KLHL8: variants seen among roughly 807,000 people sequenced by gnomAD.
The protein encoded by KLHL8 is kelch like family member 8.
Under a neutral mutation model 63.5 loss-of-function variants are expected in KLHL8, and 38 were observed. The observed-to-expected ratio is 0.60, with a 90% CI of 0.46 to 0.78. KLHL8 has a LOEUF of 0.78. Ranked by LOEUF, KLHL8 falls within the 30% of genes least tolerant of loss-of-function variation. KLHL8 has a pLI of 0.00. For missense variants in KLHL8, 566 were observed against 752.4 expected (o/e 0.75, Z 2.90); for synonymous variants, 224 against 254.3 (o/e 0.88, Z 1.13).
chr4:87,200,305 C>T (rs1731869915), intron 1 of KLHL8, among the ~76,000 whole-genome samples: 1 of 152,130 alleles, frequency 6.6e-6, no homozygotes, highest in East Asian at 1.9e-4. Context: ...TCCTTAAGTC[C>T]CTTATATAAA....
chr4:87,188,947 G>T (rs1391418401), intron 2 of KLHL8, among the ~76,000 whole-genome samples: 1 of 152,168 alleles, frequency 6.6e-6, no homozygotes, highest in Non-Finnish European at 1.5e-5. Context: ...ACTAATTCAA[G>T]ATAGTATTAC....
Position 87,170,555 on chromosome 4 carries a change from G to C in KLHL8, c.1269C>G (p.Asp423Glu). Reference sequence around the variant, plus strand: ...TCTCCACATCATTGAAGCAAGTATTGTCATCTAACCCTCCAATTGCATAAA... The same window carrying C: ...TCTCCACATCATTGAAGCAAGTATTCTCATCTAACCCTCCAATTGCATAAA... ...GPIYAIGGLD[D>E]NTCFNDVERY... Residue 423 changes from aspartate to glutamate, a missense_variant, in exon 7 of 10, where the codon GAC becomes GAG. Coordinates refer to ENST00000273963, the MANE Select transcript of KLHL8 (RefSeq NM_020803.5). 6.2e-7 allele frequency: 1 copy of C among 1,613,902 alleles called. No individual in the cohort carries two copies. The highest frequency in any genetic ancestry group is 1.1e-5 in the South Asian group (1 of 91,076).
Position 87,165,019 on chromosome 4 carries a change from G to C in KLHL8, c.1538-940C>G, listed in dbSNP as rs189087590. On this transcript the variant is annotated intron_variant, in intron 8 of 9. Transcript: ENST00000273963. ...AAAAAATTAGCTGGGCATGGTGGCG[G>C]GCGCCTGTAGTCCCAGCTACTCGGG... 7.0e-3 allele frequency among the ~76,000 whole-genome samples: 1,065 copies of C among 151,716 alleles called. 37 individuals are homozygous for C. The highest frequency in any genetic ancestry group is 0.065 in the Admixed American group (990 of 15,242).
chr4:87,168,962 TAA>T (rs35255534), intron 8 of KLHL8, among the ~76,000 whole-genome samples: 66 of 122,880 alleles, frequency 5.4e-4, no homozygotes, highest in Middle Eastern at 4.3e-3. Context: ...ATTGTTAAAG[TAA>T]AAAAAAAAAA....
intron 1 of KLHL8, among the ~76,000 whole-genome samples, chr4:87,214,395 TAAC>T (rs1407413204): frequency 8.2e-6 from 1 of 121,826 alleles, no homozygotes; most frequent in African/African-American, 2.9e-5. Context: ...TTAAATGAGT[TAAC>T]AAACTGGCAC....
intron 1 of KLHL8, among the ~76,000 whole-genome samples, chr4:87,199,667 A>C (rs986503834): frequency 3.9e-4 from 6 of 15,358 alleles, no homozygotes; most frequent in Non-Finnish European, 2.2e-3. Flanking sequence ...AAAAAAAACA[A>C]AAAAAAAAAA....
rs554100940 is a variant in KLHL8, at chr4:87,207,815, A to T, written c.-151-12125T>A. On this transcript the variant is annotated intron_variant, in intron 1 of 9. Transcript: ENST00000273963. ...ACCACTGCCAAGGTGTCGGTCATTAACCTGACCTGCCATCTGGAAAAACCT... is the reference window on the plus strand; with the variant it reads ...ACCACTGCCAAGGTGTCGGTCATTATCCTGACCTGCCATCTGGAAAAACCT... The T allele has an allele frequency of 2.3e-5, 25 of 1,106,276 alleles. No homozygotes were observed. The African/African-American group carries it at 3.4e-4, about 15-fold the overall frequency. 68.5% of individuals were successfully genotyped at this position (1,106,276 alleles called of 1,614,324 possible). A position where few individuals can be genotyped will look rare whatever the true frequency, so the allele number is the denominator to read the frequency against.
At chr4:87,184,863 C>A (rs1731191297) in intron 3 of KLHL8, among the ~76,000 whole-genome samples, 1 of 152,050 alleles carries the variant, frequency 6.6e-6, no homozygotes, top group South Asian at 2.1e-4. Flanking sequence ...AATAACTATA[C>A]TTTTATTAGC....
At chr4:87,178,696 T>TA (rs1399880593) in intron 4 of KLHL8, 76 bp from the exon 5 acceptor site, 1 of 1,407,596 alleles carries the variant, frequency 7.1e-7, no homozygotes, top group Admixed American at 3.0e-5. Flanking sequence ...AAACTTTGGA[T>TA]AAAAGCAAAA....
chr4:87,185,667 C>T lies in KLHL8; in HGVS notation c.349G>A (p.Ala117Thr), dbSNP rs759520579. 8 of 1,614,056 alleles carry T rather than the reference C, an allele frequency of 5.0e-6. No individual in the cohort carries two copies. The South Asian group carries it at 8.8e-5, about 18-fold the overall frequency. The change falls in exon 3 of 10, where the codon GCA becomes ACA. Residue 117 changes from alanine to threonine, a missense_variant. Coordinates refer to ENST00000273963, the MANE Select transcript of KLHL8 (RefSeq NM_020803.5). Reference sequence around the variant, plus strand: ...ACAAACTTTACCAAGTCTTCTATTGCATCACCATCAAAATCTCTAATCTCA... The same window carrying T: ...ACAAACTTTACCAAGTCTTCTATTGTATCACCATCAAAATCTCTAATCTCA... ...LIEIRDFDGDAIEDLVKFVYS... is the reference protein window; with the variant it reads ...LIEIRDFDGDTIEDLVKFVYS...
At chr4:87,224,416 T>C (rs1732937838), upstream of KLHL8, among the ~76,000 whole-genome samples, 1 of 152,298 alleles carries the variant, frequency 6.6e-6, no homozygotes, top group South Asian at 2.1e-4. Context: ...GAATTTCAGA[T>C]GTGGCTTGCC....
At chr4:87,210,397 T>C (rs1206908809) in intron 1 of KLHL8, among the ~76,000 whole-genome samples, 2 of 151,914 alleles carry the variant, frequency 1.3e-5, no homozygotes, top group African/African-American at 2.4e-5. Context: ...AGGAGAATGG[T>C]GTGAACCTGG....
chr4:87,230,954 G>A (rs142023522), intron 1 of KLHL8, among the ~76,000 whole-genome samples: 1 of 152,210 alleles, frequency 6.6e-6, no homozygotes, highest in African/African-American at 2.4e-5. Context: ...GGGCTGTGTA[G>A]CATACAAGTG....
chr4:87,236,346 C>G (rs1200160856), intron 1 of KLHL8, among the ~76,000 whole-genome samples: 2 of 151,316 alleles, frequency 1.3e-5, no homozygotes, highest in Non-Finnish European at 2.9e-5. Flanking sequence ...GTAGCTGGGA[C>G]TACAGGGGCG....
intron 4 of KLHL8, among the ~76,000 whole-genome samples, chr4:87,180,895 A>G (rs1338606405): frequency 6.6e-6 from 1 of 151,784 alleles, no homozygotes; most frequent in African/African-American, 2.4e-5. Context: ...AGAAAAAAAT[A>G]TATCTGGGTA....
At chr4:87,182,885 C>A (rs1731108490) in intron 4 of KLHL8, among the ~76,000 whole-genome samples, 1 of 152,094 alleles carries the variant, frequency 6.6e-6, no homozygotes, top group South Asian at 2.1e-4. Context: ...CTTTGAAGAA[C>A]TTAAGACATG....
At chr4:87,175,463 G>A (rs1187163343) in intron 6 of KLHL8, among the ~76,000 whole-genome samples, 1 of 151,950 alleles carries the variant, frequency 6.6e-6, no homozygotes, top group Admixed American at 6.5e-5. Flanking sequence ...ATGTTATGTT[G>A]TACTCGTGGG....
intron 1 of KLHL8, among the ~76,000 whole-genome samples, chr4:87,233,320 G>A (rs1294178009): frequency 6.6e-6 from 1 of 152,160 alleles, no homozygotes; most frequent in Non-Finnish European, 1.5e-5. Context: ...CGGGTGCGTG[G>A]CTCATGCCTA....
At chr4:87,166,331 A>G (rs10000784) in intron 8 of KLHL8, among the ~76,000 whole-genome samples, 30,238 of 152,220 alleles carry the variant, frequency 0.2, 3,670 homozygotes, top group East Asian at 0.48. Flanking sequence ...ATAAATATCT[A>G]TAAGAAATAT....
Sources: allele counts gnomAD v4.1 joint callset (sites outside exome capture counted in the v4.1 genomes callset), GRCh38; gene constraint gnomAD v4.1.1; transcripts MANE v1.5; gene names NCBI Gene and HGNC (gene_info 2026-07-23, HGNC 2026-07-21).